KDM6A: variants seen among roughly 807,000 people sequenced by gnomAD.
KDM6A encodes lysine-specific demethylase 6A.
KDM6A carries 11 observed loss-of-function variants against 117.6 expected under a neutral mutation model. That is an observed-to-expected ratio of 0.09 (90% CI 0.06 to 0.15). The LOEUF is 0.15. KDM6A is among the 10% of genes least tolerant of loss of function. The pLI is 1.00. For synonymous variants in KDM6A, 384 were observed against 396.1 expected, an observed-to-expected ratio of 0.97 and a Z score of 0.36; for missense variants, 799 against 1,077.3, an observed-to-expected ratio of 0.74 and a Z score of 3.62.
intron 3 of KDM6A, among the ~76,000 whole-genome samples, chrX:44,973,443 T>C (rs192258762): frequency 1.8e-5 from 2 of 112,291 alleles, no homozygotes; most frequent in East Asian, 5.6e-4. Flanking sequence ...ATTTGGGAGA[T>C]AATTTTCTTT....
intron 4 of KDM6A, among the ~76,000 whole-genome samples, chrX:44,982,159 A>G (rs1036371359): frequency 1.8e-5 from 2 of 111,734 alleles, no homozygotes; most frequent in Non-Finnish European, 3.8e-5. Flanking sequence ...AGCAATGCCT[A>G]TCTGAATAGA....
chrX:45,032,175 T>G (rs768393718), intron 6 of KDM6A, among the ~76,000 whole-genome samples: 4 of 112,272 alleles, frequency 3.6e-5, no homozygotes, highest in Non-Finnish European at 7.5e-5. Flanking sequence ...AGTAGCCAGT[T>G]TCAGCACTGC....
intron 10 of KDM6A, among the ~76,000 whole-genome samples, chrX:45,056,983 AT>A (rs939488523): frequency 1.8e-5 from 2 of 110,801 alleles, no homozygotes; most frequent in African/African-American, 6.5e-5. Context: ...CTTCTTATGA[AT>A]TTTTCCTTCA....
chrX:45,078,705 G>A (rs1241026571), intron 20 of KDM6A, among the ~76,000 whole-genome samples, 200 bp downstream of exon 20: 1 of 108,041 alleles, frequency 9.3e-6, no homozygotes, highest in Non-Finnish European at 1.9e-5. Context: ...TGAATATATT[G>A]TTGGTGATAC....
Position 44,994,890 on chromosome X carries a change from T to C in KDM6A, c.385-16071T>C, listed in dbSNP as rs777337859. Reference sequence around the variant, plus strand: ...AAAATGGTTATGACAGGGCAGGTAATTGGAATGAGTCAGGGTGGAGCAGGT... The same window carrying C: ...AAAATGGTTATGACAGGGCAGGTAACTGGAATGAGTCAGGGTGGAGCAGGT... On this transcript the variant is annotated intron_variant, in intron 4 of 29. Transcript: ENST00000611820. Among the ~76,000 whole-genome samples, 3 of 111,521 alleles carry C rather than the reference T, an allele frequency of 2.7e-5. No individual in the cohort carries two copies. The East Asian group carries it at 8.4e-4, about 31-fold the overall frequency.
At chrX:45,100,689 T>G (rs2046306668) in intron 27 of KDM6A, among the ~76,000 whole-genome samples, 1 of 111,067 alleles carries the variant, frequency 9.0e-6, no homozygotes, top group South Asian at 3.8e-4. Context: ...TAATAACATA[T>G]AAGCCAATGT....
At chrX:44,893,662 A>T (rs1449612253) in intron 2 of KDM6A, among the ~76,000 whole-genome samples, 1 of 109,762 alleles carries the variant, frequency 9.1e-6, no homozygotes, top group East Asian at 2.8e-4. Flanking sequence ...GGTGCCCGCC[A>T]CCATGCCTGG....
chrX:45,097,805 G>T (rs1300381160), intron 27 of KDM6A, among the ~76,000 whole-genome samples: 2 of 111,957 alleles, frequency 1.8e-5, no homozygotes, highest in Admixed American at 9.5e-5. Flanking sequence ...GTTTATCTGA[G>T]TAAGTCATTT....
intron 2 of KDM6A, among the ~76,000 whole-genome samples, chrX:44,898,662 T>C (rs1312244042): frequency 9.0e-6 from 1 of 111,501 alleles, no homozygotes; most frequent in Admixed American, 9.5e-5. Context: ...CTATCTTAAA[T>C]GGGTGAGTCT....
rs778080296 is a variant in KDM6A at position 44,920,877 on chromosome X, C to CTT, written c.226-40392_226-40391dup. Among the ~76,000 whole-genome samples, 138 of 81,464 alleles carry CTT rather than the reference C, an allele frequency of 1.7e-3. 2 individuals carry two copies. The highest frequency in any genetic ancestry group is 5.7e-3 in the African/African-American group (128 of 22,571). The allele number at this position is 81,464 out of a possible 115,157, so 70.7% of individuals were successfully genotyped here. A position where few individuals can be genotyped will look rare whatever the true frequency, so the allele number is the denominator to read the frequency against. On this transcript the variant is annotated intron_variant, in intron 2 of 29. Transcript: ENST00000611820. Reference sequence around the variant, plus strand: ...TTTTTCTTTTTTTTCTTTTCTTTTTCTTTTTTTTTTTTTTTTAAGACAGAG... The same window carrying CTT: ...TTTTTCTTTTTTTTCTTTTCTTTTTCTTTTTTTTTTTTTTTTTTAAGACAGAG...
At chrX:44,998,547 C>CT (rs2040980128) in intron 4 of KDM6A, among the ~76,000 whole-genome samples, 1 of 111,366 alleles carries the variant, frequency 9.0e-6, no homozygotes, top group African/African-American at 3.3e-5. Context: ...CACCTTCCCC[C>CT]TTTTTTTATT....
chrX:45,054,037 A>G (rs1455210486), intron 10 of KDM6A, 82 bp downstream of exon 10: 12 of 939,111 alleles, frequency 1.3e-5, no homozygotes, highest in African/African-American at 3.8e-5. Flanking sequence ...GTTAGTTTAC[A>G]TATGTAACCT....
chrX:44,946,991 A>G (rs1437176388), intron 2 of KDM6A, among the ~76,000 whole-genome samples: 1 of 111,889 alleles, frequency 8.9e-6, no homozygotes, highest in South Asian at 3.6e-4. Context: ...AAGTCTTTCT[A>G]TGTTATATTT....
rs587778423 is a variant in KDM6A, at chrX:45,051,714, A to T, written c.660A>T (p.Lys220Asn). The T allele has an allele frequency of 1.1e-5, 13 of 1,146,599 alleles. No homozygotes were observed. The African/African-American group carries it at 1.6e-4, about 14-fold the overall frequency. The allele number at this position is 1,146,599 out of a possible 1,213,427, so 94.5% of individuals were successfully genotyped here. ...TCTCTTTTTCTGTTCTTTAGAGGAA[A>T]TATCATTCTGCAAAAGAAGCTTATG... The part of the protein sequence containing the change: ...HIAHLYETQR[K>N]YHSAKEAYEQ... The change falls in exon 9 of 30, where the codon AAA (lysine) becomes AAT (asparagine). Residue 220 changes from lysine to asparagine, a missense_variant. Physicochemically the swap from Lys to Asn is moderately conservative, Grantham distance 94. This residue lies in a region of KDM6A where 63 missense variants were observed against 68.2 expected (regional missense o/e 0.92). Coordinates refer to ENST00000611820, the MANE Select transcript of KDM6A (RefSeq NM_001291415.2).
At chrX:44,980,090 G>A (rs1169501450) in intron 4 of KDM6A, among the ~76,000 whole-genome samples, 2 of 106,120 alleles carry the variant, frequency 1.9e-5, no homozygotes, top group African/African-American at 3.5e-5. Context: ...TTCGCCTCCC[G>A]GGTTCAAGTG....
intron 4 of KDM6A, among the ~76,000 whole-genome samples, chrX:44,988,504 G>A (rs908152212): frequency 4.5e-5 from 5 of 110,867 alleles, no homozygotes; most frequent in Non-Finnish European, 7.5e-5. Context: ...TAGAGTTTCC[G>A]GTTTTTCTGC....
chrX:44,968,675 G>C (rs2039156273), intron 3 of KDM6A, among the ~76,000 whole-genome samples: 1 of 112,069 alleles, frequency 8.9e-6, no homozygotes, highest in South Asian at 3.6e-4. Flanking sequence ...TAGTTGATTA[G>C]AAAATCAGGT....
At position 45,058,689 on chromosome X, in the gene KDM6A, G is replaced by A. The variant is rs774242344; in HGVS notation, c.876-317G>A. Among the ~76,000 whole-genome samples, 120 of 110,785 alleles carry A rather than the reference G, an allele frequency of 1.1e-3. 1 individual carries two copies. The highest frequency in any genetic ancestry group is 3.7e-3 in the African/African-American group (113 of 30,574). ...AGAAGAGTGGAAGAGTGCCGTGTGT[G>A]TGTGTGTGCACATGTGCATGCAGCT... On this transcript the variant is annotated intron_variant, in intron 10 of 29. Transcript: ENST00000611820.
chrX:44,927,036 A>G (rs2036344011), intron 2 of KDM6A, among the ~76,000 whole-genome samples: 1 of 111,816 alleles, frequency 8.9e-6, no homozygotes, highest in Non-Finnish European at 1.9e-5. Context: ...AGCTTATAAT[A>G]GATGCCATGT....
Sources: allele counts gnomAD v4.1 joint callset (sites outside exome capture counted in the v4.1 genomes callset), GRCh38; gene constraint gnomAD v4.1.1; regional missense constraint gnomAD v4.1.1; transcripts MANE v1.5; gene names NCBI Gene and HGNC (gene_info 2026-07-23, HGNC 2026-07-21).